Variants in SWT1 observed in about 807,000 individuals in gnomAD.
The protein encoded by SWT1 is transcriptional protein SWT1.
Under a neutral mutation model 107.3 loss-of-function variants are expected in SWT1, and 33 were observed. The ratio of observed to expected loss-of-function variants is 0.31; its 90% CI spans 0.23 to 0.41. The LOEUF is 0.41. Ranked by LOEUF, SWT1 falls within the 10% of genes least tolerant of loss-of-function variation. The probability of loss-of-function intolerance (pLI) is 1.00; values close to 1 mark genes in which losing one functional copy is unlikely to be tolerated. For missense variants in SWT1, 898 were observed against 1,028.9 expected, an observed-to-expected ratio of 0.87 and a Z score of 1.74; for synonymous variants, 345 against 348.3, an observed-to-expected ratio of 0.99 and a Z score of 0.11.
At chr1:185,286,399 T>C (rs1161189719) in intron 18 of SWT1, among the ~76,000 whole-genome samples, 4 of 152,018 alleles carry the variant, frequency 2.6e-5, no homozygotes, top group South Asian at 2.1e-4. Flanking sequence ...AATTTTTGTA[T>C]GTTTTTAGTA....
chr1:185,249,107 TGG>T (rs1661823715), intron 16 of SWT1, among the ~76,000 whole-genome samples: 1 of 152,188 alleles, frequency 6.6e-6, no homozygotes, highest in Non-Finnish European at 1.5e-5. Context: ...ACTTAGAGGC[TGG>T]ATCTCCAGCC....
At chr1:185,186,625 AT>A (rs753849006) in intron 9 of SWT1, among the ~76,000 whole-genome samples, 14 of 152,222 alleles carry the variant, frequency 9.2e-5, no homozygotes, top group African/African-American at 1.4e-4. Flanking sequence ...GATTAAAAAA[AT>A]ATGTGAAGTA....
At chr1:185,178,964 T>A (rs921407516) in intron 5 of SWT1, among the ~76,000 whole-genome samples, 1 of 152,184 alleles carries the variant, frequency 6.6e-6, no homozygotes, top group South Asian at 2.1e-4. Context: ...TTTCTACGTA[T>A]GATGTACTTG....
At chr1:185,227,817 G>C in intron 15 of SWT1, 1 of 289,648 alleles carries the variant, frequency 3.5e-6, no homozygotes, top group Non-Finnish European at 6.7e-6. Flanking sequence ...CAGGCATGAT[G>C]GCTCATGTCT....
At chr1:185,184,160 T>G (rs1009166798) in intron 7 of SWT1, 83 bp from the exon 8 acceptor site, 2 of 665,106 alleles carry the variant, frequency 3.0e-6, no homozygotes, top group Non-Finnish European at 5.1e-6. Context: ...AATTGAATTT[T>G]CAATGCTTCT....
rs1488965125 is a variant in SWT1 at position 185,174,948 on chromosome 1, A to C, written c.801A>C (p.Arg267Ser). The change falls in exon 5 of 19, where the codon AGA (arginine) becomes AGC (serine). Residue 267 changes from arginine to serine, a missense_variant. Coordinates refer to ENST00000367500, the MANE Select transcript of SWT1 (RefSeq NM_017673.7). ...ATTCGAAGACTAAGCAGGAAGAAAG[A>C]GAATACCTGGAAAGCTCCCAGGTTT... ...SNNSKTKQEE[R>S]EYLESSQVSL... 6.2e-7 allele frequency: 1 copy of C among 1,613,742 alleles called. No homozygotes were observed. The highest frequency in any genetic ancestry group is 8.5e-7 in the Non-Finnish European group (1 of 1,179,974).
At chr1:185,168,493 C>A in intron 4 of SWT1, 95 bp downstream of exon 4, 2 of 633,492 alleles carry the variant, frequency 3.2e-6, no homozygotes, top group Non-Finnish European at 2.4e-6. Flanking sequence ...TTGAAGAGGA[C>A]TGCTTTGCAT....
intron 16 of SWT1, among the ~76,000 whole-genome samples, chr1:185,233,965 C>T (rs771199723): frequency 2.0e-5 from 3 of 152,066 alleles, no homozygotes; most frequent in South Asian, 2.1e-4. Flanking sequence ...AGGATGGTCT[C>T]GATCTCCTGA....
chr1:185,177,960 T>C (rs1655704079), intron 5 of SWT1, among the ~76,000 whole-genome samples: 1 of 152,224 alleles, frequency 6.6e-6, no homozygotes, highest in Admixed American at 6.5e-5. Context: ...AGGTACTAGG[T>C]ATTTAGAAAT....
At chr1:185,238,205 T>TG (rs1661029422) in intron 16 of SWT1, among the ~76,000 whole-genome samples, 1 of 152,056 alleles carries the variant, frequency 6.6e-6, no homozygotes, top group African/African-American at 2.4e-5. Context: ...AGGCTGGTCT[T>TG]GAACTCCTGG....
chr1:185,266,759 A>G (rs182686879), intron 16 of SWT1: 1 of 151,880 alleles, frequency 6.6e-6, no homozygotes, highest in African/African-American at 2.4e-5. Flanking sequence ...TATTAATGCT[A>G]ATTGTTCATG....
chr1:185,246,235 T>C (rs913171937), intron 16 of SWT1, among the ~76,000 whole-genome samples: 1 of 152,098 alleles, frequency 6.6e-6, no homozygotes, highest in Admixed American at 6.6e-5. Flanking sequence ...GTTGGAGAAA[T>C]GGCCAGAGGG....
intron 15 of SWT1, among the ~76,000 whole-genome samples, chr1:185,228,200 T>TATATATATATATATATATACAC (rs1235462995): frequency 8.3e-5 from 12 of 145,006 alleles, no homozygotes; most frequent in African/African-American, 2.7e-4. Context: ...CATATATATA[T>TATATATATATATATATATACAC]ACTCAGTATG....
intron 4 of SWT1, chr1:185,171,594 A>G: frequency 2.0e-6 from 1 of 493,470 alleles, no homozygotes; most frequent in South Asian, 1.5e-5. Context: ...AAACTGCTCA[A>G]AATTGGCAGC....
chr1:185,284,750 A>G (rs1377146075), intron 18 of SWT1, among the ~76,000 whole-genome samples: 1 of 152,190 alleles, frequency 6.6e-6, no homozygotes, highest in Non-Finnish European at 1.5e-5. Flanking sequence ...TCTTCTTGTC[A>G]GTTAGCCTAG....
intron 18 of SWT1, 62 bp from the exon 19 acceptor site, chr1:185,290,612 A>G (rs1393838603): frequency 7.7e-7 from 1 of 1,299,120 alleles, no homozygotes; most frequent in Admixed American, 2.7e-5. Context: ...ATAAAATGAA[A>G]AAGAATTTTT....
chr1:185,161,072 T>C, intron 2 of SWT1, 147 bp downstream of exon 2: 1 of 621,984 alleles, frequency 1.6e-6, no homozygotes, highest in East Asian at 2.8e-5. Context: ...TTCCGGTTTT[T>C]TACTTGCATT....
chr1:185,241,663 C>G (rs995176818), intron 16 of SWT1, among the ~76,000 whole-genome samples: 5 of 152,024 alleles, frequency 3.3e-5, no homozygotes, highest in Non-Finnish European at 7.4e-5. Context: ...GAGCCTTGCA[C>G]AGGTAATGAC....
chr1:185,227,812 A>C (rs1320111276), intron 15 of SWT1: 2 of 300,164 alleles, frequency 6.7e-6, no homozygotes, highest in Non-Finnish European at 1.3e-5. Context: ...GAGGCCAGGC[A>C]TGATGGCTCA....
Sources: gnomAD v4.1 joint callset for allele counts (sites outside exome capture counted in the v4.1 genomes callset) on GRCh38, gnomAD v4.1.1 for gene constraint, MANE v1.5 for transcripts, NCBI Gene and HGNC (gene_info 2026-07-23, HGNC 2026-07-21) for gene names.